PCSK5: variants seen among roughly 807,000 people sequenced by gnomAD.
The protein encoded by PCSK5 is proprotein convertase subtilisin/kexin type 5.
A neutral mutation model predicts 233.2 loss-of-function variants in PCSK5; 129 were observed. The observed-to-expected ratio is 0.55, with a 90% CI of 0.48 to 0.64. The LOEUF (loss-of-function observed/expected upper bound fraction) is 0.64. Among genes scored for constraint, PCSK5 ranks in the 30% least tolerant of loss-of-function variants. PCSK5 has a pLI of 0.00. For synonymous variants in PCSK5, 825 were observed against 879.2 expected (o/e 0.94, Z 1.09); for missense variants, 2,076 against 2,430.1 (o/e 0.85, Z 3.06).
At chr9:75,969,352 T>C (rs1825723886) in intron 2 of PCSK5, among the ~76,000 whole-genome samples, 1 of 152,302 alleles carries the variant, frequency 6.6e-6, no homozygotes, top group South Asian at 2.1e-4. Flanking sequence ...ATTCAAGAGA[T>C]GGCTTACTTT....
chr9:76,136,750 A>G (rs560288479), intron 10 of PCSK5, among the ~76,000 whole-genome samples: 3 of 152,176 alleles, frequency 2.0e-5, no homozygotes, highest in South Asian at 4.1e-4. Context: ...TAGGAGAACA[A>G]TTTCACAAAT....
rs1390559407 is a variant in PCSK5 at position 76,358,782 on chromosome 9, T to C, written c.5524T>C (p.Tyr1842His). 5 of 1,612,784 alleles carry C rather than the reference T, an allele frequency of 3.1e-6. No individual in the cohort carries two copies. The highest frequency in any genetic ancestry group is 4.2e-6 in the Non-Finnish European group (5 of 1,179,896). ...DQVIEYRDRD[Y>H]DEDDDDDIVY... ...GGTGATTGAGTACAGGGATCGGGAC[T>C]ATGATGAGGATGATGATGATGACAT... The change falls in exon 38 of 38, where the codon TAT becomes CAT. Residue 1842 changes from tyrosine to histidine, a missense_variant. Around this residue, in one of 6 missense-constraint regions of PCSK5, gnomAD observed 1,510 missense variants for 1,538.1 expected, o/e 0.98. Coordinates refer to ENST00000674117, the MANE Select transcript of PCSK5 (RefSeq NM_001372043.1).
chr9:75,986,820 C>T (rs926990687), intron 3 of PCSK5, among the ~76,000 whole-genome samples: 1 of 152,300 alleles, frequency 6.6e-6, no homozygotes, highest in Non-Finnish European at 1.5e-5. Flanking sequence ...AGGAAACCTA[C>T]TTAACATGTT....
At chr9:76,074,088 A>G (rs1027879356) in intron 7 of PCSK5, among the ~76,000 whole-genome samples, 1 of 152,210 alleles carries the variant, frequency 6.6e-6, no homozygotes, top group Non-Finnish European at 1.5e-5. Context: ...GTAAAGATGA[A>G]CTTAATAGAT....
At chr9:76,097,252 T>TTTTC (rs1554686408) in intron 8 of PCSK5, among the ~76,000 whole-genome samples, 2 of 117,368 alleles carry the variant, frequency 1.7e-5, no homozygotes, top group Non-Finnish European at 3.5e-5. Flanking sequence ...ATTTCTTTTT[T>TTTTC]TTTTTTTTTT....
intron 7 of PCSK5, among the ~76,000 whole-genome samples, chr9:76,084,388 TTTTCAG>T (rs1830978522): frequency 6.6e-6 from 1 of 152,224 alleles, no homozygotes; most frequent in African/African-American, 2.4e-5. Flanking sequence ...TATCATCTTG[TTTTCAG>T]TTTTAGTTTA....
At chr9:76,182,451 C>A (rs1823914282) in intron 16 of PCSK5, among the ~76,000 whole-genome samples, 1 of 151,888 alleles carries the variant, frequency 6.6e-6, no homozygotes. Flanking sequence ...AAATGGAAAT[C>A]CTTTTGCTAA....
chr9:76,166,480 G>C (rs1401585418), intron 12 of PCSK5, among the ~76,000 whole-genome samples: 2 of 152,216 alleles, frequency 1.3e-5, no homozygotes, highest in African/African-American at 4.8e-5. Context: ...TGGAAGGGAA[G>C]AAACGTAGGG....
At chr9:75,957,920 T>C (rs922808971) in intron 2 of PCSK5, among the ~76,000 whole-genome samples, 1 of 152,188 alleles carries the variant, frequency 6.6e-6, no homozygotes, top group African/African-American at 2.4e-5. Flanking sequence ...TATGTTATCA[T>C]TTAGTGTTTC....
At chr9:76,193,426 A>AAC in intron 20 of PCSK5, 27 of 987,014 alleles carry the variant, frequency 2.7e-5, no homozygotes, top group Non-Finnish European at 3.0e-5. Context: ...AAAAGCCAAA[A>AAC]AGAAAAAAAA....
intron 1 of PCSK5, 79 bp downstream of exon 1, chr9:75,891,452 C>T: frequency 1.7e-6 from 2 of 1,158,984 alleles, no homozygotes; most frequent in Non-Finnish European, 2.4e-6. Flanking sequence ...GGAACCCCCT[C>T]CCCCTCTTCC....
intron 1 of PCSK5, among the ~76,000 whole-genome samples, chr9:75,904,558 A>G (rs1189124647): frequency 3.9e-5 from 6 of 152,224 alleles, no homozygotes; most frequent in Non-Finnish European, 8.8e-5. Context: ...ATTAGTCACC[A>G]GGGAAATGTA....
intron 5 of PCSK5, among the ~76,000 whole-genome samples, chr9:76,049,303 G>A (rs200424686): frequency 1.3e-5 from 2 of 152,228 alleles, no homozygotes; most frequent in East Asian, 3.9e-4. Context: ...CTAAAATGTT[G>A]AATAGATCAT....
At chr9:76,113,259 G>A (rs890539085) in intron 9 of PCSK5, among the ~76,000 whole-genome samples, 14 of 152,106 alleles carry the variant, frequency 9.2e-5, no homozygotes, top group Admixed American at 2.6e-4. Flanking sequence ...GGGATCATTC[G>A]AGACAAGGAA....
intron 15 of PCSK5, 98 bp from the exon 16 acceptor site, chr9:76,181,300 G>C: frequency 1.0e-6 from 1 of 979,618 alleles, no homozygotes. Flanking sequence ...AAAGTGATTT[G>C]GAAGCTGAGC....
chr9:76,290,785 G>C (rs186320449), intron 24 of PCSK5, among the ~76,000 whole-genome samples: 13 of 152,324 alleles, frequency 8.5e-5, no homozygotes, highest in Admixed American at 2.6e-4. Flanking sequence ...TATATAGCAT[G>C]AAAGCATTCT....
chr9:76,002,560 T>A (rs1469436268), intron 3 of PCSK5, among the ~76,000 whole-genome samples: 1 of 152,228 alleles, frequency 6.6e-6, no homozygotes, highest in Non-Finnish European at 1.5e-5. Flanking sequence ...TATCCTAATA[T>A]GCTGTGTGAA....
At chr9:76,267,916 A>G (rs1448151560) in intron 24 of PCSK5, among the ~76,000 whole-genome samples, 1 of 151,384 alleles carries the variant, frequency 6.6e-6, no homozygotes, top group East Asian at 1.9e-4. Flanking sequence ...TGCACTGCCT[A>G]CCCTCCCAAA....
chr9:76,060,625 G>GT, intron 5 of PCSK5, among the ~76,000 whole-genome samples: 1 of 152,110 alleles, frequency 6.6e-6, no homozygotes, highest in Non-Finnish European at 1.5e-5. Flanking sequence ...AATTTCTAGG[G>GT]TTAAAAAATC....
Sources: allele counts gnomAD v4.1 joint callset (sites outside exome capture counted in the v4.1 genomes callset), GRCh38; gene constraint gnomAD v4.1.1; regional missense constraint gnomAD v4.1.1; transcripts MANE v1.5; gene names NCBI Gene and HGNC (gene_info 2026-07-23, HGNC 2026-07-21).